PCDHA1: variants seen among roughly 807,000 people sequenced by gnomAD.
PCDHA1 encodes the protein protocadherin alpha-1.
Under a neutral mutation model 61.3 loss-of-function variants are expected in PCDHA1, and 42 were observed. The ratio of observed to expected loss-of-function variants is 0.69; its 90% confidence interval spans 0.54 to 0.89. PCDHA1 has a LOEUF of 0.89. Among genes scored for constraint, PCDHA1 ranks in the 40% least tolerant of loss-of-function variants. The pLI is 0.00. For synonymous variants in PCDHA1, 610 were observed against 553.8 expected, an observed-to-expected ratio of 1.10 and a Z score of -1.43; for missense variants, 1,256 against 1,235.3, an observed-to-expected ratio of 1.02 and a Z score of -0.25.
At chr5:140,949,597 C>T (rs1279469149) in intron 1 of PCDHA1, among the ~76,000 whole-genome samples, 1 of 151,600 alleles carries the variant, frequency 6.6e-6, no homozygotes, top group African/African-American at 2.4e-5. Flanking sequence ...TTAATGTGGC[C>T]ATTCTAGTCT....
intron 1 of PCDHA1, chr5:140,805,370 TA>T (rs2149984149): frequency 8.7e-7 from 1 of 1,148,324 alleles, no homozygotes; most frequent in South Asian, 2.8e-5. Flanking sequence ...GGTCCCCACA[TA>T]GTGAAAGTAC....
intron 1 of PCDHA1, among the ~76,000 whole-genome samples, chr5:140,939,691 G>A (rs782722243): frequency 3.5e-4 from 53 of 152,250 alleles, no homozygotes; most frequent in African/African-American, 1.2e-3. Context: ...TGTGTTGCTG[G>A]ACATTATCAT....
intron 1 of PCDHA1, chr5:140,807,056 C>G (rs1055312239): frequency 1.9e-6 from 2 of 1,079,742 alleles, no homozygotes; most frequent in Admixed American, 2.3e-5. Flanking sequence ...TCTATTCTTA[C>G]TGGAAGGAAC....
intron 1 of PCDHA1, chr5:140,807,070 A>G (rs1554123734): frequency 1.7e-6 from 2 of 1,178,500 alleles, no homozygotes; most frequent in Non-Finnish European, 2.4e-6. Flanking sequence ...AAGGAACCAT[A>G]TACACTCTTT....
At chr5:140,841,519 G>C (rs1777296865) in intron 1 of PCDHA1, 1 of 1,613,472 alleles carries the variant, frequency 6.2e-7, no homozygotes, top group African/African-American at 1.3e-5. Context: ...TGTTCCGGGT[G>C]GCGTCCAAAA....
At chr5:140,806,977 T>C (rs1170849994) in intron 1 of PCDHA1, 1 of 627,878 alleles carries the variant, frequency 1.6e-6, no homozygotes, top group African/African-American at 1.8e-5. Flanking sequence ...CTACTTACGG[T>C]TTGGAGCCAC....
At chr5:140,946,546 A>G (rs1418590491) in intron 1 of PCDHA1, among the ~76,000 whole-genome samples, 5 of 150,480 alleles carry the variant, frequency 3.3e-5, no homozygotes, top group Admixed American at 1.3e-4. Flanking sequence ...AGCATTATTC[A>G]TGATAGTTCA....
At chr5:140,805,124 C>G in intron 1 of PCDHA1, 1 of 1,583,798 alleles carries the variant, frequency 6.3e-7, no homozygotes. Flanking sequence ...AGACTCTTGG[C>G]AAAGACATTT....
chr5:140,946,326 A>T (rs1554217498), intron 1 of PCDHA1, among the ~76,000 whole-genome samples: 1 of 151,914 alleles, frequency 6.6e-6, no homozygotes, highest in East Asian at 1.9e-4. Context: ...GAAAGAGGAA[A>T]GATAACAAGT....
At chr5:140,985,138 C>T (rs972329850) in intron 3 of PCDHA1, among the ~76,000 whole-genome samples, 3 of 152,016 alleles carry the variant, frequency 2.0e-5, no homozygotes, top group Non-Finnish European at 2.9e-5. Flanking sequence ...GGGGTTTCAC[C>T]GTGTTAGCCA....
chr5:140,787,974 G>T lies in PCDHA1; in HGVS notation c.1684G>T (p.Ala562Ser), dbSNP rs782273016. ...GTTCGTGCTGGACGAGAACGACAACGCGCCGGCGCTGCTGGCGCCTCGAGT... is the reference window on the plus strand; with the variant it reads ...GTTCGTGCTGGACGAGAACGACAACTCGCCGGCGCTGCTGGCGCCTCGAGT... ...QVFVLDENDN[A>S]PALLAPRVGG... The change falls in exon 1 of 4, where the codon GCG (alanine) becomes TCG (serine). Residue 562 changes from alanine (A) to serine (S), a missense_variant. Physicochemically the swap from Ala to Ser is moderately conservative, Grantham distance 99 (BLOSUM62 1). Coordinates refer to ENST00000504120, the MANE Select transcript of PCDHA1 (RefSeq NM_018900.4). The T allele has an allele frequency of 1.9e-6, 3 of 1,613,858 alleles. No homozygotes were observed. The highest frequency in any genetic ancestry group is 2.5e-6 in the Non-Finnish European group (3 of 1,179,906).
intron 1 of PCDHA1, among the ~76,000 whole-genome samples, chr5:140,902,351 A>C (rs1554190404): frequency 1.3e-5 from 2 of 151,346 alleles, no homozygotes; most frequent in African/African-American, 4.9e-5. Context: ...GAAGCCCTTT[A>C]TTTCTTTCTC....
chr5:140,970,595 G>C (rs1554232604), intron 1 of PCDHA1, among the ~76,000 whole-genome samples: 1 of 152,098 alleles, frequency 6.6e-6, no homozygotes, highest in African/African-American at 2.4e-5. Context: ...TATGCTTTGT[G>C]ATACTTAAAA....
At chr5:140,835,553 G>A in intron 1 of PCDHA1, 2 of 1,613,872 alleles carry the variant, frequency 1.2e-6, no homozygotes, top group Admixed American at 1.7e-5. Flanking sequence ...GCTCCCTGAC[G>A]CCCCGCGTTC....
intron 1 of PCDHA1, among the ~76,000 whole-genome samples, chr5:140,945,368 C>T (rs980832309): frequency 1.3e-5 from 2 of 151,844 alleles, no homozygotes; most frequent in African/African-American, 4.8e-5. Flanking sequence ...TTAAAATGTC[C>T]ATATTACCCA....
chr5:140,835,509 G>A, intron 1 of PCDHA1: 1 of 1,613,944 alleles, frequency 6.2e-7, no homozygotes, highest in Non-Finnish European at 8.5e-7. Context: ...TAGCGTGTTT[G>A]ACCGAGATTT....
chr5:140,829,449 C>A, intron 1 of PCDHA1: 4 of 1,613,926 alleles, frequency 2.5e-6, no homozygotes, highest in Non-Finnish European at 3.4e-6. Flanking sequence ...GACAATGCTC[C>A]GGCGTTCGCG....
In PCDHA1 at chr5:141,011,807, A is replaced by G. The variant is rs940017317; in HGVS notation, c.*1870A>G. ...CTAATGGTATCTGAAATATCAGCTC[A>G]TAGAAAGTAACAAAATTTGCTGTCA... On this transcript the variant is annotated 3_prime_UTR_variant, in exon 4 of 4. Coordinates refer to ENST00000504120, the MANE Select transcript of PCDHA1 (RefSeq NM_018900.4). The G allele has an allele frequency of 1.3e-5, 2 of 153,798 alleles. No individual in the cohort carries two copies. Among genetic ancestry groups the G allele is most frequent in the African/African-American group, 4.8e-5 (2 of 41,468 alleles). The allele number at this position is 153,798 out of a possible 1,614,324, so 9.5% of individuals were successfully genotyped here.
At chr5:140,793,925 AAAC>A (rs1359413603) in intron 1 of PCDHA1, among the ~76,000 whole-genome samples, 2 of 152,364 alleles carry the variant, frequency 1.3e-5, no homozygotes, top group East Asian at 3.9e-4. Flanking sequence ...TTAAATCACA[AAAC>A]AACAGTATAT....
Sources: allele counts gnomAD v4.1 joint callset (sites outside exome capture counted in the v4.1 genomes callset), GRCh38; gene constraint gnomAD v4.1.1; transcripts MANE v1.5; gene names NCBI Gene and HGNC (gene_info 2026-07-23, HGNC 2026-07-21).